ADCY8: variants seen among roughly 807,000 people sequenced by gnomAD.
The protein encoded by ADCY8 is adenylate cyclase 8.
In ADCY8, 51 loss-of-function variants were observed where a neutral mutation model predicts 119.7. The ratio of observed to expected loss-of-function variants is 0.43; its 90% CI spans 0.34 to 0.54. The LOEUF is 0.54. ADCY8 is among the 20% of genes least tolerant of loss of function. ADCY8 has a pLI of 0.03. For missense variants in ADCY8, 1,383 were observed against 1,598.8 expected (o/e 0.87, Z 2.30); for synonymous variants, 665 against 651.0 (o/e 1.02, Z -0.33).
At chr8:130,900,003 C>T (rs1221051628) in intron 7 of ADCY8, among the ~76,000 whole-genome samples, 2 of 152,146 alleles carry the variant, frequency 1.3e-5, no homozygotes, top group Non-Finnish European at 2.9e-5. Context: ...TGATCATAAA[C>T]TTCTTGCCTT....
At chr8:130,801,815 T>A (rs1470115883) in intron 14 of ADCY8, among the ~76,000 whole-genome samples, 2 of 151,756 alleles carry the variant, frequency 1.3e-5, no homozygotes, top group Non-Finnish European at 2.9e-5. Context: ...TTTTTATTGA[T>A]CACCCCAAGA....
At chr8:130,847,130 G>A (rs1817354457) in intron 11 of ADCY8, among the ~76,000 whole-genome samples, 1 of 151,722 alleles carries the variant, frequency 6.6e-6, no homozygotes, top group South Asian at 2.1e-4. Flanking sequence ...ATGGATAGAA[G>A]GAAAGGTGAA....
intron 7 of ADCY8, among the ~76,000 whole-genome samples, chr8:130,893,264 C>A (rs1819253531): frequency 6.6e-6 from 1 of 152,098 alleles, no homozygotes; most frequent in Non-Finnish European, 1.5e-5. Context: ...TATGCAAACT[C>A]CAGCACGGAC....
chr8:130,886,981 C>T (rs1258564530), intron 7 of ADCY8, among the ~76,000 whole-genome samples: 4 of 116,922 alleles, frequency 3.4e-5, no homozygotes, highest in African/African-American at 5.4e-5. Context: ...GAAGAAAGGG[C>T]GTTTTTTTTT....
intron 1 of ADCY8, among the ~76,000 whole-genome samples, chr8:131,007,982 T>G (rs1563765447): frequency 6.6e-6 from 1 of 152,214 alleles, no homozygotes; most frequent in East Asian, 1.9e-4. Context: ...TAAATTCACA[T>G]AGTCAGCCAA....
chr8:130,878,507 T>G (rs1485081346), intron 8 of ADCY8, among the ~76,000 whole-genome samples: 1 of 152,166 alleles, frequency 6.6e-6, no homozygotes, highest in Non-Finnish European at 1.5e-5. Flanking sequence ...TAAGCTGATC[T>G]CTGAAGATGT....
intron 5 of ADCY8, among the ~76,000 whole-genome samples, chr8:130,934,199 C>A (rs1310550751): frequency 6.6e-6 from 1 of 152,150 alleles, no homozygotes; most frequent in African/African-American, 2.4e-5. Flanking sequence ...TCTGTTCTTG[C>A]ATTGCTATAA....
chr8:130,863,393 C>CT (rs75445750), intron 9 of ADCY8, among the ~76,000 whole-genome samples: 171 of 142,332 alleles, frequency 1.2e-3, no homozygotes, highest in South Asian at 0.011. Context: ...CTATTGGGGC[C>CT]TTTTTTTTTT....
At chr8:130,947,124 C>T (rs952721024) in intron 3 of ADCY8, among the ~76,000 whole-genome samples, 3 of 152,096 alleles carry the variant, frequency 2.0e-5, no homozygotes, top group African/African-American at 7.2e-5. Context: ...CAACTTTTAG[C>T]CAAATAAATT....
intron 4 of ADCY8, among the ~76,000 whole-genome samples, chr8:130,939,458 T>C (rs927450216): frequency 1.1e-4 from 17 of 152,126 alleles, no homozygotes; most frequent in East Asian, 1.9e-4. Context: ...AAATGGTCTT[T>C]TGGGGCATCG....
At position 130,886,205 on chromosome 8, in the gene ADCY8, C is replaced by T. The variant is rs545680723; in HGVS notation, c.1912-1444G>A. ...CATCACGGCTAGACTTTACTGAAAC[C>T]CTCTTCTCCAGCCCTAGAATAAAGA... On this transcript the variant is annotated intron_variant, in intron 7 of 17. Transcript: ENST00000286355. 3.3e-5 allele frequency among the ~76,000 whole-genome samples: 5 copies of T among 152,174 alleles called. No individual in the cohort carries two copies. The South Asian group carries it at 1.0e-3, about 32-fold the overall frequency.
chr8:130,874,641 G>A (rs1818492873), intron 8 of ADCY8, among the ~76,000 whole-genome samples: 1 of 152,150 alleles, frequency 6.6e-6, no homozygotes, highest in Non-Finnish European at 1.5e-5. Flanking sequence ...GAAGTGCAAG[G>A]CTGGGAGGAC....
chr8:131,018,711 T>C (rs553566172), intron 1 of ADCY8, among the ~76,000 whole-genome samples: 60 of 152,378 alleles, frequency 3.9e-4, no homozygotes, highest in African/African-American at 1.4e-3. Flanking sequence ...TTGAGGCTTA[T>C]GGAAGTTTAG....
At chr8:130,921,139 A>T (rs976724072) in intron 5 of ADCY8, among the ~76,000 whole-genome samples, 13 of 152,344 alleles carry the variant, frequency 8.5e-5, no homozygotes, top group African/African-American at 3.1e-4. Flanking sequence ...GTTATACATG[A>T]TTATTCCCAA....
intron 4 of ADCY8, among the ~76,000 whole-genome samples, chr8:130,939,909 G>T (rs1166732297): frequency 6.6e-6 from 1 of 152,180 alleles, no homozygotes; most frequent in Non-Finnish European, 1.5e-5. Context: ...AATCTCAGTG[G>T]AGAGAGGGGA....
intron 7 of ADCY8, among the ~76,000 whole-genome samples, chr8:130,886,072 C>T (rs1377404291): frequency 6.6e-6 from 1 of 151,978 alleles, no homozygotes; most frequent in East Asian, 1.9e-4. Context: ...TCCAGCCCAC[C>T]CCATAAGGAT....
chr8:130,852,006 G>C (rs1315310313), intron 9 of ADCY8, among the ~76,000 whole-genome samples: 1 of 152,166 alleles, frequency 6.6e-6, no homozygotes, highest in African/African-American at 2.4e-5. Context: ...TGTACAGCAA[G>C]AATCAAGAGG....
chr8:130,897,960 A>G (rs1251154679), intron 7 of ADCY8, among the ~76,000 whole-genome samples: 1 of 151,254 alleles, frequency 6.6e-6, no homozygotes, highest in Non-Finnish European at 1.5e-5. Context: ...ACACCACACC[A>G]CACCACACAC....
chr8:130,855,151 C>CT (rs1817686294), intron 9 of ADCY8, among the ~76,000 whole-genome samples: 1 of 144,880 alleles, frequency 6.9e-6, no homozygotes, highest in Non-Finnish European at 1.5e-5. Context: ...TTAATTTTTG[C>CT]TTTGGGGGCT....
Sources: gnomAD v4.1 joint callset for allele counts (sites outside exome capture counted in the v4.1 genomes callset) on GRCh38, gnomAD v4.1.1 for gene constraint, MANE v1.5 for transcripts, NCBI Gene and HGNC (gene_info 2026-07-23, HGNC 2026-07-21) for gene names.